Variants in SNX13 observed in about 807,000 individuals in gnomAD.
SNX13 encodes the protein sorting nexin 13, also known as sorting nexin-13.
A neutral mutation model predicts 133.6 loss-of-function variants in SNX13; 45 were observed. That is an observed-to-expected ratio of 0.34 (90% CI 0.27 to 0.43). The LOEUF is 0.43. Among genes scored for constraint, SNX13 ranks in the 20% least tolerant of loss-of-function variants. SNX13 has a pLI of 1.00. For synonymous variants in SNX13, 414 were observed against 373.9 expected, an observed-to-expected ratio of 1.11 and a Z score of -1.24; for missense variants, 1,032 against 1,145.1, an observed-to-expected ratio of 0.90 and a Z score of 1.43.
At chr7:17,830,087 T>C in intron 15 of SNX13, 40 bp from the exon 16 acceptor site, 5 of 1,461,180 alleles carry the variant, frequency 3.4e-6, no homozygotes, top group Non-Finnish European at 4.6e-6. Flanking sequence ...AGCAAAAAAC[T>C]TTAAAACGGT....
At chr7:17,925,145 C>G (rs902476207) in intron 1 of SNX13, among the ~76,000 whole-genome samples, 8 of 152,066 alleles carry the variant, frequency 5.3e-5, no homozygotes, top group African/African-American at 1.9e-4. Context: ...ACCTGGGAGG[C>G]AGAGGTTTCA....
At chr7:17,848,303 G>C (rs1279821263) in intron 11 of SNX13, among the ~76,000 whole-genome samples, 1 of 152,048 alleles carries the variant, frequency 6.6e-6, no homozygotes, top group East Asian at 1.9e-4. Context: ...ACTTTCATCG[G>C]CCATAAAGTC....
At chr7:17,797,679 G>A (rs1271834219) in intron 24 of SNX13, among the ~76,000 whole-genome samples, 2 of 151,744 alleles carry the variant, frequency 1.3e-5, no homozygotes, top group African/African-American at 4.8e-5. Context: ...ATGGGATCTA[G>A]GCATTAGTAA....
intron 1 of SNX13, among the ~76,000 whole-genome samples, chr7:17,935,905 T>C (rs1801966901): frequency 6.6e-6 from 1 of 152,222 alleles, no homozygotes; most frequent in African/African-American, 2.4e-5. Flanking sequence ...GTATTTCTAT[T>C]ACAAATATAT....
At chr7:17,874,874 A>C (rs956963702) in intron 7 of SNX13, among the ~76,000 whole-genome samples, 1 of 152,268 alleles carries the variant, frequency 6.6e-6, no homozygotes, top group African/African-American at 2.4e-5. Flanking sequence ...TCATTCCCTT[A>C]GGAAATATTT....
At chr7:17,798,641 T>C in intron 24 of SNX13, 49 bp downstream of exon 24, 6 of 1,356,600 alleles carry the variant, frequency 4.4e-6, no homozygotes, top group East Asian at 5.0e-5. Context: ...GTGATAACAA[T>C]GCTAAACTCT....
chr7:17,826,001 T>C, intron 17 of SNX13, 21 bp downstream of exon 17: 1 of 1,443,054 alleles, frequency 6.9e-7, no homozygotes, highest in Non-Finnish European at 9.3e-7. Context: ...AATGCAATAA[T>C]TATACTTCAA....
intron 21 of SNX13, among the ~76,000 whole-genome samples, chr7:17,803,015 T>G (rs1239915683): frequency 6.6e-6 from 1 of 152,184 alleles, no homozygotes; most frequent in Non-Finnish European, 1.5e-5. Context: ...TTCTATCATG[T>G]AAATCAGGAG....
rs762813733 is a variant in SNX13 at position 17,868,462 on chromosome 7, GGAA to G, written c.779_781del (p.Leu260del). 1.1e-5 allele frequency: 18 copies of G among 1,606,984 alleles called. No individual in the cohort carries two copies. The highest frequency in any genetic ancestry group is 6.7e-5 in the East Asian group (3 of 44,536). On this transcript the variant is annotated inframe_deletion, in exon 9 of 26. Coordinates refer to ENST00000428135, the MANE Select transcript of SNX13 (RefSeq NM_015132.5). ...AGGATCACTGAGTTGATTTATTAAT[GGAA>G]GAAGAATTCCTCGTGCAAGGATTTC...
intron 1 of SNX13, among the ~76,000 whole-genome samples, chr7:17,932,480 T>C (rs1002198263): frequency 1.3e-5 from 2 of 152,224 alleles, no homozygotes; most frequent in Non-Finnish European, 2.9e-5. Context: ...TTCATCTCCG[T>C]AATTTTTCAC....
rs1283121072 is a variant in SNX13, at chr7:17,801,590, T to C, written c.2296A>G (p.Asn766Asp). ...TACCAAGAATAAAATTAACTCACAT[T>C]ATCGTCAAGTTGAGCCGAAACTCGG... is the stretch of plus-strand genomic sequence containing the variant. ...HRRVSAQLDD[N>D]VDDNIPLRVM... The change falls in exon 22 of 26, where the codon AAT becomes GAT. Residue 766 changes from asparagine (N) to aspartate (D), a missense_variant and splice_region_variant. Physicochemically the swap from Asn to Asp is conservative, Grantham distance 23. Coordinates refer to ENST00000428135, the MANE Select transcript of SNX13 (RefSeq NM_015132.5). 8.7e-6 allele frequency: 14 copies of C among 1,605,426 alleles called. No individual in the cohort carries two copies. The highest frequency in any genetic ancestry group is 1.2e-5 in the Non-Finnish European group (14 of 1,175,802).
chr7:17,902,891 T>C (rs1797988378), intron 1 of SNX13, among the ~76,000 whole-genome samples: 1 of 152,134 alleles, frequency 6.6e-6, no homozygotes, highest in South Asian at 2.1e-4. Flanking sequence ...TATTGTGAAC[T>C]GTGCATGTGA....
chr7:17,852,854 GA>G (rs1199663573), intron 9 of SNX13, among the ~76,000 whole-genome samples: 1 of 152,224 alleles, frequency 6.6e-6, no homozygotes, highest in African/African-American at 2.4e-5. Flanking sequence ...TAGATACATG[GA>G]TATTTCATCC....
chr7:17,916,191 T>TAGAC (rs60834221), intron 1 of SNX13, among the ~76,000 whole-genome samples: 61,554 of 151,514 alleles, frequency 0.41, 12,944 homozygotes, highest in East Asian at 0.62. Context: ...ACCAAGGAGA[T>TAGAC]AGACGTCCAA....
chr7:17,845,694 C>A lies in SNX13; in HGVS notation c.1066G>T (p.Glu356Ter). The change falls in exon 12 of 26, where the codon GAA becomes TAA. Residue 356 changes from glutamate to a stop codon, truncating the protein, a stop_gained and splice_region_variant. Transcript: ENST00000428135. LOFTEE classifies it high-confidence loss of function. ...GCTGCAAGTTTCACAGTATTTATTTCCTACAGGCAAAAGTGAATATAAGTT... is the reference window on the plus strand; with the variant it reads ...GCTGCAAGTTTCACAGTATTTATTTACTACAGGCAAAAGTGAATATAAGTT... ...SRIQRLQSGK[E>*]INTVKLAANF... 6.3e-7 allele frequency: 1 copy of A among 1,578,738 alleles called. No individual in the cohort carries two copies. Among genetic ancestry groups the A allele is most frequent in the African/African-American group, 1.4e-5 (1 of 73,978 alleles).
intron 9 of SNX13, among the ~76,000 whole-genome samples, chr7:17,866,818 A>G (rs1210530290): frequency 6.6e-6 from 1 of 152,208 alleles, no homozygotes. Flanking sequence ...TACAGTTAAC[A>G]ATAATTTATT....
rs754960156 is a variant in SNX13, at chr7:17,834,203, G to C, written c.1465-19C>G. Reference sequence around the variant, plus strand: ...CATATACCTTGGTGAAATAAATCAAGATATTCAACAATTAATACAGGTGTG... The same window carrying C: ...CATATACCTTGGTGAAATAAATCAACATATTCAACAATTAATACAGGTGTG... On this transcript the variant is annotated intron_variant, in intron 14 of 25. Transcript: ENST00000428135. The C allele has an allele frequency of 2.7e-5, 42 of 1,535,132 alleles. No individual in the cohort carries two copies. The South Asian group carries it at 5.0e-4, about 18-fold the overall frequency.
intron 5 of SNX13, chr7:17,888,518 T>A: frequency 4.2e-6 from 1 of 237,446 alleles, no homozygotes; most frequent in East Asian, 1.3e-4. Flanking sequence ...TAAGAACAAT[T>A]TGATTCTAAC....
At chr7:17,926,232 T>A (rs1056562605) in intron 1 of SNX13, among the ~76,000 whole-genome samples, 1 of 151,574 alleles carries the variant, frequency 6.6e-6, no homozygotes, top group Non-Finnish European at 1.5e-5. Context: ...AGTGACAGTA[T>A]TTTTTTTCAG....
Sources: gnomAD v4.1 joint callset for allele counts (sites outside exome capture counted in the v4.1 genomes callset) on GRCh38, gnomAD v4.1.1 for gene constraint, MANE v1.5 for transcripts, NCBI Gene and HGNC (gene_info 2026-07-23, HGNC 2026-07-21) for gene names.